Variants in TAF1B observed in about 807,000 individuals in gnomAD.
TAF1B encodes the protein TATA-box binding protein associated factor, RNA polymerase I subunit B, also known as TATA box-binding protein-associated factor RNA polymerase I subunit B.
Under a neutral mutation model 83.9 loss-of-function variants are expected in TAF1B, and 61 were observed. The observed-to-expected ratio is 0.73, with a 90% CI of 0.59 to 0.90. The LOEUF (loss-of-function observed/expected upper bound fraction) is 0.90, where lower values mean the gene tolerates loss of function less well. Ranked by LOEUF, TAF1B falls within the 40% of genes least tolerant of loss-of-function variation. TAF1B has a pLI of 0.00. For missense variants in TAF1B, 625 were observed against 677.0 expected, an observed-to-expected ratio of 0.92 and a Z score of 0.85; for synonymous variants, 221 against 224.6, an observed-to-expected ratio of 0.98 and a Z score of 0.14.
chr2:9,924,261 G>A (rs1665971067), intron 14 of TAF1B, among the ~76,000 whole-genome samples: 1 of 152,152 alleles, frequency 6.6e-6, no homozygotes, highest in African/African-American at 2.4e-5. Flanking sequence ...CTAAAACTCA[G>A]CCTTTTTTCT....
chr2:9,845,877 A>G (rs148486133), intron 2 of TAF1B: 16,694 of 308,156 alleles, frequency 0.054, 546 homozygotes, highest in African/African-American at 0.073. Flanking sequence ...CAGCTACTTG[A>G]GAGGCTGAGG....
At chr2:9,889,486 T>G (rs1664797860) in intron 8 of TAF1B, among the ~76,000 whole-genome samples, 1 of 152,166 alleles carries the variant, frequency 6.6e-6, no homozygotes, top group Non-Finnish European at 1.5e-5. Context: ...TGTTCTTGTT[T>G]TCTTTTATAT....
At chr2:9,918,071 CA>C (rs777139466) in intron 12 of TAF1B, among the ~76,000 whole-genome samples, 126 of 111,614 alleles carry the variant, frequency 1.1e-3, no homozygotes, top group Non-Finnish European at 9.3e-4. Flanking sequence ...GACTCCGTCT[CA>C]AAAAAAAAAA....
chr2:9,874,402 A>G (rs905786507), intron 6 of TAF1B, among the ~76,000 whole-genome samples: 1 of 151,900 alleles, frequency 6.6e-6, no homozygotes, highest in Non-Finnish European at 1.5e-5. Flanking sequence ...ATGACTCTAC[A>G]TTGCTATTTT....
intron 8 of TAF1B, among the ~76,000 whole-genome samples, chr2:9,898,726 T>G (rs1206819864): frequency 1.3e-5 from 2 of 152,204 alleles, no homozygotes; most frequent in East Asian, 3.8e-4. Flanking sequence ...AATTATAGTT[T>G]AATAACTCCG....
At chr2:9,854,551 T>C in intron 5 of TAF1B, 130 bp downstream of exon 5, 1 of 647,358 alleles carries the variant, frequency 1.5e-6, no homozygotes, top group Non-Finnish European at 2.7e-6. Flanking sequence ...TTAAGAGGCT[T>C]CTGTTACAGT....
chr2:9,903,487 A>G (rs889854510), intron 8 of TAF1B, among the ~76,000 whole-genome samples: 5 of 152,266 alleles, frequency 3.3e-5, no homozygotes, highest in African/African-American at 1.2e-4. Context: ...CAAATGGTAT[A>G]TGCAAAAAAC....
In TAF1B at chr2:9,934,066, G is replaced by A; in HGVS notation, c.*82G>A. 8.6e-7 allele frequency: 1 copy of A among 1,168,728 alleles called. No individual in the cohort carries two copies. The highest frequency in any genetic ancestry group is 2.7e-5 in the Admixed American group (1 of 37,712). 72.4% of individuals were successfully genotyped at this position (1,168,728 alleles called of 1,614,324 possible). On this transcript the variant is annotated 3_prime_UTR_variant, in exon 15 of 15. Transcript: ENST00000263663. ...TTTTAATATAACATTCCAGAGAATT[G>A]TGGAAAATACTGCATATATATGTAT... is the stretch of plus-strand genomic sequence containing the variant.
intron 8 of TAF1B, among the ~76,000 whole-genome samples, chr2:9,887,657 G>A (rs913011023): frequency 7.2e-5 from 11 of 151,888 alleles, no homozygotes; most frequent in African/African-American, 2.7e-4. Flanking sequence ...ATGTCATTGG[G>A]TGTTGATTTT....
intron 7 of TAF1B, among the ~76,000 whole-genome samples, chr2:9,879,571 T>G (rs77794652): frequency 0.015 from 2,283 of 152,288 alleles, 57 homozygotes; most frequent in African/African-American, 0.051. Context: ...GAGTGGGGAC[T>G]GCTGTACTGG....
chr2:9,851,844 G>T, intron 4 of TAF1B: 2 of 646,210 alleles, frequency 3.1e-6, no homozygotes, highest in Non-Finnish European at 5.7e-6. Context: ...ACATCCAAAA[G>T]AAAAATTTAA....
chr2:9,899,629 A>G (rs1335513396), intron 8 of TAF1B, among the ~76,000 whole-genome samples: 1 of 151,292 alleles, frequency 6.6e-6, no homozygotes, highest in Non-Finnish European at 1.5e-5. Context: ...GTAAGTCTAT[A>G]TTTAATTTTT....
intron 5 of TAF1B, among the ~76,000 whole-genome samples, chr2:9,861,498 T>A (rs992223056): frequency 6.6e-6 from 1 of 152,234 alleles, no homozygotes; most frequent in Admixed American, 6.5e-5. Flanking sequence ...CCTGCCTGCC[T>A]CTGTAGGCTC....
chr2:9,912,218 C>T (rs1460139493), intron 11 of TAF1B, among the ~76,000 whole-genome samples: 2 of 151,430 alleles, frequency 1.3e-5, no homozygotes, highest in African/African-American at 4.9e-5. Flanking sequence ...GACAGATAGA[C>T]AAGTGAAGTG....
chr2:9,900,880 A>T (rs963174715), intron 8 of TAF1B, among the ~76,000 whole-genome samples: 1 of 152,156 alleles, frequency 6.6e-6, no homozygotes, highest in Non-Finnish European at 1.5e-5. Context: ...CCAAGTAGAG[A>T]TGTCAAATAG....
chr2:9,910,903 A>T lies in TAF1B; in HGVS notation c.1123A>T (p.Ser375Cys), dbSNP rs138046758. The change falls in exon 10 of 15, where the codon AGT becomes TGT. Residue 375 changes from serine to cysteine, a missense_variant. Ser to Cys is a moderately radical substitution (Grantham distance 112). Transcript: ENST00000263663. ...GAAACTGCTCTTTCTATTGGATGAC[A>T]GTTTCGAGTGGTAAGTGTACGTCAA... is the stretch of plus-strand genomic sequence containing the variant. ...VLKLLFLLDD[S>C]FEWSLSNLAE... The T allele has an allele frequency of 1.9e-6, 3 of 1,610,100 alleles. No individual in the cohort carries two copies. Among genetic ancestry groups the T allele is most frequent in the Non-Finnish European group, 2.5e-6 (3 of 1,178,268 alleles).
intron 14 of TAF1B, among the ~76,000 whole-genome samples, chr2:9,929,538 T>C (rs942383405): frequency 6.6e-6 from 1 of 152,212 alleles, no homozygotes; most frequent in African/African-American, 2.4e-5. Context: ...TGAAGCCGAC[T>C]TGATCGTGGT....
chr2:9,900,807 G>T (rs1409545760), intron 8 of TAF1B, among the ~76,000 whole-genome samples: 1 of 152,108 alleles, frequency 6.6e-6, no homozygotes, highest in Non-Finnish European at 1.5e-5. Flanking sequence ...CTGCTGGAGG[G>T]ATTAAAATTT....
chr2:9,920,562 G>A (rs1051960634), intron 14 of TAF1B, among the ~76,000 whole-genome samples: 5 of 125,248 alleles, frequency 4.0e-5, no homozygotes, highest in East Asian at 5.5e-4. Flanking sequence ...TCAGGGTATG[G>A]CGTCTGTAGA....
Sources: allele counts gnomAD v4.1 joint callset (sites outside exome capture counted in the v4.1 genomes callset), GRCh38; gene constraint gnomAD v4.1.1; transcripts MANE v1.5; gene names NCBI Gene and HGNC (gene_info 2026-07-23, HGNC 2026-07-21).